Variants in SETBP1 observed in about 807,000 individuals in gnomAD.
SETBP1 encodes SET binding protein 1, also known as SET-binding protein.
In SETBP1, 9 loss-of-function variants were observed where a neutral mutation model predicts 101.0. That is an observed-to-expected ratio of 0.09 (90% CI 0.05 to 0.16). The LOEUF is 0.16. Among genes scored for constraint, SETBP1 ranks in the 10% least tolerant of loss-of-function variants. The probability of loss-of-function intolerance (pLI) is 1.00; values close to 1 mark genes in which losing one functional copy is unlikely to be tolerated. For missense variants in SETBP1, 1,858 were observed against 2,033.8 expected, an observed-to-expected ratio of 0.91 and a Z score of 1.66; for synonymous variants, 818 against 788.5, an observed-to-expected ratio of 1.04 and a Z score of -0.63.
chr18:44,997,371 T>C (rs370720390), intron 4 of SETBP1, among the ~76,000 whole-genome samples: 1 of 152,132 alleles, frequency 6.6e-6, no homozygotes, highest in Non-Finnish European at 1.5e-5. Flanking sequence ...TTGGCCTATT[T>C]GCCAGGTGGC....
At chr18:45,052,370 A>T (rs1032643952) in intron 5 of SETBP1, among the ~76,000 whole-genome samples, 1 of 152,230 alleles carries the variant, frequency 6.6e-6, no homozygotes, top group Non-Finnish European at 1.5e-5. Context: ...TGGGTGGAAT[A>T]TACAAAGATA....
In SETBP1 at chr18:44,786,955, T is replaced by G. The variant is rs149460767; in HGVS notation, c.487-82275T>G. ...TCAGTTTCTGATCTTTCTCTCAAAT[T>G]TGCTGTCTATTTGAAGAGGAGACGA... On this transcript the variant is annotated intron_variant, in intron 2 of 5. Coordinates refer to ENST00000649279, the MANE Select transcript of SETBP1 (RefSeq NM_015559.3). 5.0e-3 allele frequency among the ~76,000 whole-genome samples: 755 copies of G among 152,302 alleles called. 17 individuals are homozygous for G. Among genetic ancestry groups the G allele is most frequent in the Admixed American group, 0.037 (561 of 15,298 alleles).
intron 2 of SETBP1, among the ~76,000 whole-genome samples, chr18:44,819,479 G>T (rs1229226049): frequency 6.6e-6 from 1 of 152,204 alleles, no homozygotes; most frequent in Non-Finnish European, 1.5e-5. Flanking sequence ...AGGTGGAGGT[G>T]CACATGGAAA....
intron 2 of SETBP1, among the ~76,000 whole-genome samples, chr18:44,795,260 G>A (rs1414257328): frequency 6.6e-6 from 1 of 152,138 alleles, no homozygotes; most frequent in Non-Finnish European, 1.5e-5. Context: ...CCCTGAAATA[G>A]CATGGGTGGT....
At chr18:44,919,884 C>T (rs1444207761) in intron 3 of SETBP1, among the ~76,000 whole-genome samples, 2 of 151,964 alleles carry the variant, frequency 1.3e-5, no homozygotes, top group African/African-American at 4.8e-5. Context: ...TCTGTGTAAA[C>T]ACACACACAT....
At chr18:45,026,161 AT>A (rs1196423130) in intron 4 of SETBP1, among the ~76,000 whole-genome samples, 1 of 152,224 alleles carries the variant, frequency 6.6e-6, no homozygotes, top group Non-Finnish European at 1.5e-5. Context: ...CTAGAGAAGA[AT>A]CTTCTAGAGA....
chr18:45,045,138 A>T (rs1363348362), intron 5 of SETBP1, among the ~76,000 whole-genome samples: 1 of 151,920 alleles, frequency 6.6e-6, no homozygotes, highest in Non-Finnish European at 1.5e-5. Context: ...AAATAAAAAA[A>T]TACAGGCCAG....
intron 2 of SETBP1, among the ~76,000 whole-genome samples, chr18:44,706,502 C>T (rs187532492): frequency 4.1e-4 from 59 of 143,192 alleles, no homozygotes; most frequent in African/African-American, 1.4e-3. Flanking sequence ...GCAGGAGAAT[C>T]GCTTGAACCC....
intron 3 of SETBP1, among the ~76,000 whole-genome samples, chr18:44,929,077 G>C (rs1324628189): frequency 2.6e-5 from 4 of 152,152 alleles, no homozygotes; most frequent in Non-Finnish European, 4.4e-5. Context: ...TAACATTTAA[G>C]TCTTTAATCC....
chr18:44,954,625 A>G (rs2071444706), intron 4 of SETBP1, among the ~76,000 whole-genome samples: 1 of 152,204 alleles, frequency 6.6e-6, no homozygotes, highest in South Asian at 2.1e-4. Flanking sequence ...AGATCGCCCC[A>G]GATTGCCACT....
intron 4 of SETBP1, among the ~76,000 whole-genome samples, chr18:45,018,221 C>T (rs1346701068): frequency 1.3e-5 from 2 of 152,146 alleles, no homozygotes; most frequent in African/African-American, 4.8e-5. Context: ...AATAAATAGC[C>T]CTTATTTCTA....
chr18:44,740,941 C>T (rs1198594265), intron 2 of SETBP1, among the ~76,000 whole-genome samples: 1 of 152,138 alleles, frequency 6.6e-6, no homozygotes, highest in Non-Finnish European at 1.5e-5. Flanking sequence ...TTTCTCAGTT[C>T]TCTCGGAAAT....
At chr18:44,769,613 G>A (rs1481836598) in intron 2 of SETBP1, among the ~76,000 whole-genome samples, 1 of 152,166 alleles carries the variant, frequency 6.6e-6, no homozygotes. Context: ...GTGTATTTCT[G>A]TATCTACTTG....
chr18:44,903,529 A>G (rs1053751392), intron 3 of SETBP1, among the ~76,000 whole-genome samples: 21 of 152,342 alleles, frequency 1.4e-4, no homozygotes, highest in African/African-American at 4.1e-4. Context: ...TGGGGATGAC[A>G]TAGATGATGA....
At chr18:44,894,114 C>A (rs986490069) in intron 3 of SETBP1, among the ~76,000 whole-genome samples, 3 of 152,064 alleles carry the variant, frequency 2.0e-5, no homozygotes. Context: ...AAAGCTATTC[C>A]AATTTCATTT....
At chr18:44,780,584 A>G (rs779040776) in intron 2 of SETBP1, among the ~76,000 whole-genome samples, 5 of 152,218 alleles carry the variant, frequency 3.3e-5, no homozygotes, top group Non-Finnish European at 5.9e-5. Context: ...TGAGATGCCC[A>G]TGGACACACC....
chr18:44,800,360 G>A (rs554878453), intron 2 of SETBP1, among the ~76,000 whole-genome samples: 1 of 152,256 alleles, frequency 6.6e-6, no homozygotes, highest in East Asian at 1.9e-4. Flanking sequence ...AATGAAAAAA[G>A]CAGGGATTTA....
intron 4 of SETBP1, among the ~76,000 whole-genome samples, chr18:44,991,069 G>A (rs1279843461): frequency 2.0e-5 from 3 of 151,252 alleles, no homozygotes; most frequent in East Asian, 1.9e-4. Flanking sequence ...TAGTGAAACC[G>A]TGTCTCTACT....
chr18:44,744,284 T>C (rs1420109454), intron 2 of SETBP1, among the ~76,000 whole-genome samples: 1 of 152,244 alleles, frequency 6.6e-6, no homozygotes, highest in Non-Finnish European at 1.5e-5. Context: ...GCTGCACGCC[T>C]GCTCCCCCCT....
Sources: gnomAD v4.1 joint callset for allele counts (sites outside exome capture counted in the v4.1 genomes callset) on GRCh38, gnomAD v4.1.1 for gene constraint, MANE v1.5 for transcripts, NCBI Gene and HGNC (gene_info 2026-07-23, HGNC 2026-07-21) for gene names.